NCAM1: variants seen among roughly 807,000 people sequenced by gnomAD.
NCAM1 encodes antigen recognized by monoclonal antibody 5.1H11.
In NCAM1, 14 loss-of-function variants were observed where a neutral mutation model predicts 109.8. The observed-to-expected ratio is 0.13, with a 90% CI of 0.08 to 0.20. The LOEUF (loss-of-function observed/expected upper bound fraction) is 0.20. Among genes scored for constraint, NCAM1 ranks in the 10% least tolerant of loss-of-function variants. The probability of loss-of-function intolerance (pLI) is 1.00; values close to 1 mark genes in which losing one functional copy is unlikely to be tolerated. For synonymous variants in NCAM1, 418 were observed against 442.9 expected (o/e 0.94, Z 0.70); for missense variants, 774 against 1,109.9 (o/e 0.70, Z 4.30).
At chr11:113,077,321 A>T (rs1938572640) in intron 1 of NCAM1, among the ~76,000 whole-genome samples, 1 of 152,204 alleles carries the variant, frequency 6.6e-6, no homozygotes, top group East Asian at 1.9e-4. Flanking sequence ...ATATAAAGAC[A>T]TTTACTGGGC....
chr11:113,095,326 G>A (rs926335829), intron 1 of NCAM1, among the ~76,000 whole-genome samples: 1 of 146,382 alleles, frequency 6.8e-6, no homozygotes, highest in Non-Finnish European at 1.5e-5. Context: ...GTGTGTGTGT[G>A]TGTGTATATG....
intron 7 of NCAM1, among the ~76,000 whole-genome samples, chr11:113,209,071 A>G (rs782598116): frequency 3.3e-5 from 5 of 152,240 alleles, no homozygotes; most frequent in African/African-American, 1.2e-4. Context: ...CGTTTAACCT[A>G]ATGGCCCTCA....
chr11:113,214,525 CA>C lies in NCAM1; in HGVS notation c.1059+15del, dbSNP rs1378464277. 6.3e-7 allele frequency: 1 copy of C among 1,588,142 alleles called. No homozygotes were observed. Among genetic ancestry groups the C allele is most frequent in the East Asian group, 2.3e-5 (1 of 43,712 alleles). On this transcript the variant is annotated intron_variant, in intron 8 of 19. Transcript: ENST00000316851. The stretch of plus-strand genomic sequence containing the variant: ...AGCGAAGAAAAGGTATCATGCTCCC[CA>C]GGAGTTTCAGGGCCTTGGAATGCAG...
In NCAM1 at chr11:113,206,085, G is replaced by A. The variant is rs1555112810; in HGVS notation, c.533G>A (p.Gly178Asp). The A allele has an allele frequency of 2.5e-6, 4 of 1,613,814 alleles. No individual in the cohort carries two copies. In the African/African-American group the frequency reaches 5.3e-5, roughly 22 times the overall value. Residue 178 changes from glycine to aspartate, a missense_variant, in exon 5 of 20, where the codon GGC (glycine) becomes GAC (aspartate). This residue lies in a region of NCAM1 where 523 missense variants were observed against 784.2 expected (regional missense o/e 0.67). Coordinates refer to ENST00000316851, the MANE Select transcript of NCAM1 (RefSeq NM_181351.5). ...TCCAACAACTACCTGCAGATCCGGG[G>A]CATCAAGAAAACAGATGAGGGCACT... is the stretch of plus-strand genomic sequence containing the variant. ...VLSNNYLQIRGIKKTDEGTYR... is the reference protein window; with the variant it reads ...VLSNNYLQIRDIKKTDEGTYR...
chr11:112,980,657 G>C (rs185659490), intron 1 of NCAM1, among the ~76,000 whole-genome samples: 225 of 151,680 alleles, frequency 1.5e-3, no homozygotes, highest in African/African-American at 4.9e-3. Context: ...GTGGTTTTTT[G>C]TTACATGGAT....
chr11:113,227,609 G>A (rs561840232), intron 9 of NCAM1, among the ~76,000 whole-genome samples: 1 of 152,258 alleles, frequency 6.6e-6, no homozygotes, highest in African/African-American at 2.4e-5. Flanking sequence ...TGATACCAAA[G>A]CCTGGCAGAG....
At chr11:113,077,567 G>GCCAGC (rs1361716001) in intron 1 of NCAM1, among the ~76,000 whole-genome samples, 1 of 152,158 alleles carries the variant, frequency 6.6e-6, no homozygotes, top group Non-Finnish European at 1.5e-5. Context: ...GAGGTTGGAT[G>GCCAGC]CCAGCCCAGC....
At chr11:113,173,394 C>T (rs1373669680) in intron 1 of NCAM1, among the ~76,000 whole-genome samples, 5 of 151,748 alleles carry the variant, frequency 3.3e-5, no homozygotes, top group Admixed American at 3.3e-4. Flanking sequence ...CCTAATGGTA[C>T]AGAAAGTGGC....
At chr11:113,064,192 GTCCCA>G (rs1937829214) in intron 1 of NCAM1, among the ~76,000 whole-genome samples, 2 of 152,184 alleles carry the variant, frequency 1.3e-5, no homozygotes, top group Non-Finnish European at 2.9e-5. Context: ...GGAAATTGCA[GTCCCA>G]CTTCTCATTG....
chr11:113,019,896 G>A (rs1312542461), intron 1 of NCAM1, among the ~76,000 whole-genome samples: 6 of 152,102 alleles, frequency 3.9e-5, no homozygotes, highest in East Asian at 3.9e-4. Context: ...TTTCATTGCC[G>A]TTTTTCTGCA....
chr11:113,153,940 C>T (rs1437215990), intron 1 of NCAM1, among the ~76,000 whole-genome samples: 1 of 152,218 alleles, frequency 6.6e-6, no homozygotes, highest in East Asian at 1.9e-4. Flanking sequence ...TTTATTTATT[C>T]AGTCATTAAT....
intron 1 of NCAM1, among the ~76,000 whole-genome samples, chr11:113,192,102 G>C (rs1484860433): frequency 6.6e-6 from 1 of 152,182 alleles, no homozygotes; most frequent in Non-Finnish European, 1.5e-5. Context: ...TGAGAGAGAG[G>C]GAAATGCTTC....
intron 1 of NCAM1, among the ~76,000 whole-genome samples, chr11:113,116,932 C>G (rs375756509): frequency 5.3e-5 from 8 of 151,874 alleles, no homozygotes; most frequent in Non-Finnish European, 8.8e-5. Context: ...TTATGAATAT[C>G]GAAGATTAAA....
intron 1 of NCAM1, among the ~76,000 whole-genome samples, chr11:112,985,817 T>C (rs1555069534): frequency 6.6e-6 from 1 of 151,966 alleles, no homozygotes; most frequent in Non-Finnish European, 1.5e-5. Flanking sequence ...ATCTTTAGTG[T>C]TTTTTAATAT....
At chr11:113,005,947 A>C (rs1555073245) in intron 1 of NCAM1, among the ~76,000 whole-genome samples, 1 of 151,936 alleles carries the variant, frequency 6.6e-6, no homozygotes, top group Non-Finnish European at 1.5e-5. Context: ...TAGAACTTCA[A>C]CCAATTTTCT....
intron 1 of NCAM1, among the ~76,000 whole-genome samples, chr11:113,181,279 C>T (rs1390612545): frequency 6.6e-6 from 1 of 152,132 alleles, no homozygotes; most frequent in Admixed American, 6.5e-5. Flanking sequence ...CTCAAGCTGC[C>T]CAAGTCAGCT....
At chr11:113,226,820 C>A (rs552290946) in intron 9 of NCAM1, among the ~76,000 whole-genome samples, 1 of 152,326 alleles carries the variant, frequency 6.6e-6, no homozygotes, top group African/African-American at 2.4e-5. Context: ...CAACCTGCTC[C>A]TGAATGACTA....
At chr11:113,100,483 C>T (rs1175714712) in intron 1 of NCAM1, among the ~76,000 whole-genome samples, 2 of 152,060 alleles carry the variant, frequency 1.3e-5, no homozygotes, top group Non-Finnish European at 2.9e-5. Flanking sequence ...AGAAGCAGGT[C>T]ACGTGCACTT....
At chr11:113,097,016 A>C (rs1489272026) in intron 1 of NCAM1, among the ~76,000 whole-genome samples, 3 of 152,146 alleles carry the variant, frequency 2.0e-5, no homozygotes, top group Non-Finnish European at 4.4e-5. Flanking sequence ...GCCCTGTGCC[A>C]ATCCCATGCT....
Sources: gnomAD v4.1 joint callset for allele counts (sites outside exome capture counted in the v4.1 genomes callset) on GRCh38, gnomAD v4.1.1 for gene constraint, gnomAD v4.1.1 regional missense constraint, MANE v1.5 for transcripts, NCBI Gene and HGNC (gene_info 2026-07-23, HGNC 2026-07-21) for gene names.